BTBD9: variants seen among roughly 807,000 people sequenced by gnomAD.
BTBD9 encodes the protein BTB/POZ domain-containing protein 9.
A neutral mutation model predicts 64.3 loss-of-function variants in BTBD9; 49 were observed. That is an observed-to-expected ratio of 0.76 (90% CI 0.61 to 0.97). The LOEUF is 0.97. Among genes scored for constraint, BTBD9 ranks in the 50% least tolerant of loss-of-function variants. The probability of loss-of-function intolerance (pLI) is 0.00; values close to 1 mark genes in which losing one functional copy is unlikely to be tolerated. For synonymous variants in BTBD9, 260 were observed against 274.7 expected (o/e 0.95, Z 0.53); for missense variants, 598 against 762.1 (o/e 0.78, Z 2.53).
chr6:38,197,560 C>A (rs1762306513), intron 9 of BTBD9, among the ~76,000 whole-genome samples: 1 of 152,166 alleles, frequency 6.6e-6, no homozygotes, highest in South Asian at 2.1e-4. Flanking sequence ...AAGTGACCAT[C>A]CGCTAAAGTC....
At chr6:38,325,955 T>C (rs1005056602) in intron 7 of BTBD9, among the ~76,000 whole-genome samples, 2 of 152,130 alleles carry the variant, frequency 1.3e-5, no homozygotes, top group African/African-American at 4.8e-5. Context: ...GGCTCTTCTA[T>C]TATCGAACCA....
chr6:38,564,143 CCT>C (rs1476328081), intron 6 of BTBD9, among the ~76,000 whole-genome samples: 1 of 152,162 alleles, frequency 6.6e-6, no homozygotes, highest in Non-Finnish European at 1.5e-5. Flanking sequence ...AAGGACCTCC[CCT>C]GACTCCCCAG....
At chr6:38,544,055 C>T (rs1774415809) in intron 6 of BTBD9, among the ~76,000 whole-genome samples, 1 of 151,938 alleles carries the variant, frequency 6.6e-6, no homozygotes, top group South Asian at 2.1e-4. Context: ...GTTGGCTCTC[C>T]ATATCCATGG....
intron 6 of BTBD9, among the ~76,000 whole-genome samples, chr6:38,491,196 G>A (rs903401639): frequency 3.3e-5 from 5 of 152,234 alleles, no homozygotes; most frequent in African/African-American, 4.8e-5. Flanking sequence ...TGGCAGGTTT[G>A]TAGTACAGAT....
intron 7 of BTBD9, among the ~76,000 whole-genome samples, chr6:38,314,388 G>C (rs955196784): frequency 6.6e-6 from 1 of 151,576 alleles, no homozygotes; most frequent in Non-Finnish European, 1.5e-5. Context: ...GTAGAGACGG[G>C]GTTTCACCAT....
intron 6 of BTBD9, among the ~76,000 whole-genome samples, chr6:38,527,872 C>A (rs1014360054): frequency 6.6e-6 from 1 of 151,236 alleles, no homozygotes; most frequent in Non-Finnish European, 1.5e-5. Context: ...ATAAGACAGC[C>A]GAACAGAATC....
At chr6:38,277,084 T>C (rs1197119560) in intron 8 of BTBD9, among the ~76,000 whole-genome samples, 2 of 152,172 alleles carry the variant, frequency 1.3e-5, no homozygotes, top group Non-Finnish European at 2.9e-5. Flanking sequence ...TATTCTGATT[T>C]TGATCAATCA....
At chr6:38,213,073 G>T (rs1173033739) in intron 9 of BTBD9, among the ~76,000 whole-genome samples, 1 of 151,144 alleles carries the variant, frequency 6.6e-6, no homozygotes, top group East Asian at 1.9e-4. Context: ...AAAAGCCCAT[G>T]CAAAACAAAG....
chr6:38,354,303 G>A, intron 6 of BTBD9, among the ~76,000 whole-genome samples: 1 of 152,076 alleles, frequency 6.6e-6, no homozygotes, highest in East Asian at 1.9e-4. Context: ...TCTGCATATT[G>A]TACAAACAGC....
At chr6:38,511,989 T>G (rs1277268138) in intron 6 of BTBD9, among the ~76,000 whole-genome samples, 1 of 152,046 alleles carries the variant, frequency 6.6e-6, no homozygotes, top group African/African-American at 2.4e-5. Flanking sequence ...CCCCCTTTTT[T>G]TGAGACGGAG....
chr6:38,375,141 G>C (rs961320317), intron 6 of BTBD9, among the ~76,000 whole-genome samples: 13 of 152,198 alleles, frequency 8.5e-5, no homozygotes, highest in African/African-American at 3.1e-4. Flanking sequence ...TGCCAGGAAA[G>C]TTAATGCAAG....
intron 6 of BTBD9, among the ~76,000 whole-genome samples, chr6:38,416,881 A>G (rs1767690809): frequency 6.6e-6 from 1 of 152,110 alleles, no homozygotes; most frequent in Non-Finnish European, 1.5e-5. Context: ...ACATTGCTCT[A>G]TGTGTGACAT....
At chr6:38,350,412 C>A (rs1447233716) in intron 6 of BTBD9, among the ~76,000 whole-genome samples, 3 of 152,200 alleles carry the variant, frequency 2.0e-5, no homozygotes, top group Non-Finnish European at 4.4e-5. Context: ...ATTCCGCAGT[C>A]TTCAGTTCTA....
chr6:38,249,758 C>CA (rs386358932), intron 9 of BTBD9, among the ~76,000 whole-genome samples: 76,815 of 121,488 alleles, frequency 0.63, 22,155 homozygotes, highest in Non-Finnish European at 0.66. Flanking sequence ...CATTAAGAAT[C>CA]AAAAAAAAAA....
intron 1 of BTBD9, among the ~76,000 whole-genome samples, chr6:38,638,412 T>C (rs1170621478): frequency 6.6e-6 from 1 of 152,224 alleles, no homozygotes. Context: ...CTGAACTCAA[T>C]GCTTTCTATA....
At chr6:38,378,873 CA>C (rs61334171) in intron 6 of BTBD9, among the ~76,000 whole-genome samples, 50,222 of 110,012 alleles carry the variant, frequency 0.46, 11,274 homozygotes, top group East Asian at 0.93. Context: ...GACTCCATCT[CA>C]AAAAAAAAAA....
chr6:38,239,806 C>T (rs1763931937), intron 9 of BTBD9, among the ~76,000 whole-genome samples: 1 of 152,110 alleles, frequency 6.6e-6, no homozygotes, highest in African/African-American at 2.4e-5. Flanking sequence ...TCACTAAAAG[C>T]CAAACAGAAA....
At position 38,592,779 on chromosome 6, in the gene BTBD9, A is replaced by G. The variant is rs764724441; in HGVS notation, c.611T>C (p.Leu204Pro). The change falls in exon 4 of 11, where the codon CTA becomes CCA. Residue 204 changes from leucine (L) to proline (P), a missense_variant. Transcript: ENST00000481247. ...GTGCTTACACCAGTTTAATAAGGCT[A>G]GGAAAATATCTTTTTCGGGAGCTGC... ...SFAAPEKDIF[L>P]ALLNWCKHNS... is the part of the protein sequence containing the mutation. The G allele has an allele frequency of 6.2e-7, 1 of 1,614,214 alleles. No homozygotes were observed.
At chr6:38,607,895 CAG>C (rs2127508721) in intron 1 of BTBD9, among the ~76,000 whole-genome samples, 1 of 152,118 alleles carries the variant, frequency 6.6e-6, no homozygotes, top group South Asian at 2.1e-4. Flanking sequence ...AAAAAACAAA[CAG>C]AATCATTCAA....
Sources: allele counts gnomAD v4.1 joint callset (sites outside exome capture counted in the v4.1 genomes callset), GRCh38; gene constraint gnomAD v4.1.1; transcripts MANE v1.5; gene names NCBI Gene and HGNC (gene_info 2026-07-23, HGNC 2026-07-21).